NIM1K: variants seen among roughly 807,000 people sequenced by gnomAD.
NIM1K encodes the protein serine/threonine-protein kinase NIM1.
A neutral mutation model predicts 37.1 loss-of-function variants in NIM1K; 35 were observed. That is an observed-to-expected ratio of 0.94 (90% CI 0.72 to 1.25). The LOEUF (loss-of-function observed/expected upper bound fraction) is 1.25. Ranked by LOEUF, NIM1K falls within the 50% of genes most tolerant of loss-of-function variation. NIM1K has a pLI of 0.00. For synonymous variants in NIM1K, 234 were observed against 206.6 expected (o/e 1.13, Z -1.14); for missense variants, 564 against 548.0 (o/e 1.03, Z -0.29).
chr5:43,267,017 A>G (rs1167277313), intron 2 of NIM1K, among the ~76,000 whole-genome samples: 1 of 152,192 alleles, frequency 6.6e-6, no homozygotes, highest in Non-Finnish European at 1.5e-5. Context: ...TAATCTCAAT[A>G]GTATTGCTTC....
At chr5:43,213,556 C>T (rs1752252220) in intron 1 of NIM1K, among the ~76,000 whole-genome samples, 2 of 152,158 alleles carry the variant, frequency 1.3e-5, no homozygotes, top group African/African-American at 4.8e-5. Context: ...TGCCGTGGCA[C>T]ATTCTCTGCT....
intron 2 of NIM1K, among the ~76,000 whole-genome samples, chr5:43,275,523 G>A (rs913209843): frequency 3.9e-5 from 6 of 152,168 alleles, no homozygotes; most frequent in Admixed American, 6.5e-5. Flanking sequence ...TAATGCTCCC[G>A]CCAGCAGCAC....
intron 1 of NIM1K, among the ~76,000 whole-genome samples, chr5:43,229,665 C>G (rs1481368973): frequency 3.0e-4 from 39 of 130,236 alleles, no homozygotes; most frequent in African/African-American, 1.1e-3. Context: ...GAGATGGAGT[C>G]TGGCTCTGTT....
chr5:43,213,195 TTCTTTCTTTC>T (rs1752234878), intron 1 of NIM1K, among the ~76,000 whole-genome samples: 1 of 88,646 alleles, frequency 1.1e-5, no homozygotes, highest in African/African-American at 4.4e-5. Context: ...CTTTCTTTCT[TTCTTTCTTTC>T]TTTCTTTCTT....
intron 1 of NIM1K, among the ~76,000 whole-genome samples, chr5:43,206,241 C>T (rs1039815489): frequency 1.5e-4 from 23 of 151,824 alleles, no homozygotes; most frequent in Non-Finnish European, 1.8e-4. Flanking sequence ...AAAATACCGC[C>T]GGGCGGGGTG....
chr5:43,194,462 G>A (rs1751881420), intron 1 of NIM1K, among the ~76,000 whole-genome samples: 1 of 152,164 alleles, frequency 6.6e-6, no homozygotes, highest in South Asian at 2.1e-4. Flanking sequence ...GGTTTGAGGT[G>A]TGTGCTTTTT....
At chr5:43,198,461 GT>G (rs1011734428) in intron 1 of NIM1K, among the ~76,000 whole-genome samples, 2 of 138,610 alleles carry the variant, frequency 1.4e-5, no homozygotes, top group Admixed American at 1.5e-4. Context: ...TCTTTCTATA[GT>G]GAAAACTGTC....
chr5:43,264,635 G>T (rs1468403721), intron 2 of NIM1K, among the ~76,000 whole-genome samples: 2 of 152,248 alleles, frequency 1.3e-5, no homozygotes, highest in African/African-American at 2.4e-5. Context: ...GGTTAATATT[G>T]TTTTGTGTGA....
chr5:43,235,707 T>C (rs1266017392), intron 1 of NIM1K, among the ~76,000 whole-genome samples: 1 of 152,238 alleles, frequency 6.6e-6, no homozygotes, highest in African/African-American at 2.4e-5. Flanking sequence ...GACCACTGAA[T>C]TAAACAGACA....
chr5:43,196,841 T>C (rs1751923855), intron 1 of NIM1K, among the ~76,000 whole-genome samples: 1 of 151,740 alleles, frequency 6.6e-6, no homozygotes. Flanking sequence ...GGTGTGATCA[T>C]GGCTCACTGC....
intron 1 of NIM1K, among the ~76,000 whole-genome samples, chr5:43,240,579 T>C (rs1561083810): frequency 6.6e-6 from 1 of 151,010 alleles, no homozygotes; most frequent in Non-Finnish European, 1.5e-5. Context: ...ATTCTCTTTC[T>C]GTTGCCCAGG....
Position 43,268,322 on chromosome 5 carries a change from G to A in NIM1K, c.293-8735G>A, listed in dbSNP as rs541979055. ...CATGCCATGTGGTCAAACTAGGATG[G>A]AGATATTACTCAAATCAATCTCATC... On this transcript the variant is annotated intron_variant, in intron 2 of 3. Transcript: ENST00000326035. 1.1e-4 allele frequency among the ~76,000 whole-genome samples: 16 copies of A among 152,312 alleles called. No homozygotes were observed. In the East Asian group the frequency reaches 3.1e-3, roughly 29 times the overall value.
chr5:43,272,349 A>C (rs1753270439), intron 2 of NIM1K, among the ~76,000 whole-genome samples: 1 of 151,718 alleles, frequency 6.6e-6, no homozygotes, highest in African/African-American at 2.4e-5. Flanking sequence ...CCCCTGTTTT[A>C]TGCTCCTAAT....
chr5:43,249,850 GTT>G (rs70994677), intron 2 of NIM1K, among the ~76,000 whole-genome samples: 7 of 116,172 alleles, frequency 6.0e-5, no homozygotes, highest in Admixed American at 9.8e-5. Context: ...GTATGGATTA[GTT>G]TTTTTTTTTT....
intron 1 of NIM1K, among the ~76,000 whole-genome samples, chr5:43,203,174 T>A (rs1752059196): frequency 1.3e-5 from 2 of 152,106 alleles, no homozygotes; most frequent in Non-Finnish European, 2.9e-5. Flanking sequence ...CTCCACTCAG[T>A]TCCCAAGAAG....
rs747220994 is a variant in NIM1K at position 43,246,043 on chromosome 5, C to G, written c.268C>G (p.Leu90Val). 1.9e-6 allele frequency: 3 copies of G among 1,612,806 alleles called. No individual in the cohort carries two copies. In the South Asian group the frequency reaches 3.3e-5, roughly 18 times the overall value. The stretch of plus-strand genomic sequence containing the variant: ...AAGTGGAAACTTCTCCCAAGTGAAG[C>G]TTGGGATTCACTCCCTAACCAAAGG... The part of the protein sequence containing the change: ...IGSGNFSQVK[L>V]GIHSLTKEKV... The change falls in exon 2 of 4, where the codon CTT becomes GTT. Residue 90 changes from leucine to valine, a missense_variant. Physicochemically the swap from Leu to Val is conservative, Grantham distance 32. Transcript: ENST00000326035.
chr5:43,236,127 A>G (rs1752617918), intron 1 of NIM1K, among the ~76,000 whole-genome samples: 1 of 152,034 alleles, frequency 6.6e-6, no homozygotes, highest in Non-Finnish European at 1.5e-5. Flanking sequence ...ATAACCAGGC[A>G]TGGTGGTGTG....
At chr5:43,218,600 A>C (rs1752338753) in intron 1 of NIM1K, among the ~76,000 whole-genome samples, 1 of 152,182 alleles carries the variant, frequency 6.6e-6, no homozygotes. Context: ...ACTAACAGAG[A>C]GAACTCACTC....
chr5:43,214,826 A>AAC (rs1554013719), intron 1 of NIM1K, among the ~76,000 whole-genome samples: 1 of 108,946 alleles, frequency 9.2e-6, no homozygotes, highest in Non-Finnish European at 2.2e-5. Context: ...AAAAAAAAAA[A>AAC]AAAAACAAAA....
Sources: allele counts gnomAD v4.1 joint callset (sites outside exome capture counted in the v4.1 genomes callset), GRCh38; gene constraint gnomAD v4.1.1; transcripts MANE v1.5; gene names NCBI Gene and HGNC (gene_info 2026-07-23, HGNC 2026-07-21).